The following CSMD2 variants were observed in gnomAD, a reference collection of about 807,000 sequenced individuals.
CSMD2 encodes CUB and sushi domain-containing protein 2.
Under a neutral mutation model 398.5 loss-of-function variants are expected in CSMD2, and 130 were observed. That is an observed-to-expected ratio of 0.33 (90% CI 0.28 to 0.38). The LOEUF is 0.38. CSMD2 is among the 10% of genes least tolerant of loss of function. CSMD2 has a pLI of 1.00. For synonymous variants in CSMD2, 1,828 were observed against 1,908.5 expected (o/e 0.96, Z 1.10); for missense variants, 3,829 against 4,764.9 (o/e 0.80, Z 5.78).
chr1:33,581,946 G>A (rs1638757659), intron 47 of CSMD2, among the ~76,000 whole-genome samples: 1 of 152,132 alleles, frequency 6.6e-6, no homozygotes, highest in African/African-American at 2.4e-5. Flanking sequence ...GGAAAGGCTG[G>A]GAGAAGTGGC....
intron 13 of CSMD2, among the ~76,000 whole-genome samples, chr1:33,771,326 G>A (rs1388788083): frequency 6.6e-6 from 1 of 152,192 alleles, no homozygotes; most frequent in Non-Finnish European, 1.5e-5. Flanking sequence ...TGCTCCTCCA[G>A]GTCCTTGTGG....
chr1:33,799,505 G>A (rs921323402), intron 10 of CSMD2, among the ~76,000 whole-genome samples: 4 of 152,186 alleles, frequency 2.6e-5, no homozygotes, highest in Non-Finnish European at 5.9e-5. Context: ...GTTACTTAAT[G>A]TCCCTTCCTC....
At chr1:34,111,648 G>C (rs1261270783) in intron 1 of CSMD2, among the ~76,000 whole-genome samples, 1 of 152,128 alleles carries the variant, frequency 6.6e-6, no homozygotes, top group Admixed American at 6.5e-5. Flanking sequence ...TGGGGATCAG[G>C]GTAAGTAGCT....
intron 2 of CSMD2, among the ~76,000 whole-genome samples, chr1:34,065,376 G>T (rs1356507574): frequency 6.6e-6 from 1 of 152,180 alleles, no homozygotes; most frequent in South Asian, 2.1e-4. Context: ...GCATGGGCTG[G>T]GGTCCAAATC....
At chr1:33,775,162 T>A (rs933134746) in intron 12 of CSMD2, among the ~76,000 whole-genome samples, 3 of 152,172 alleles carry the variant, frequency 2.0e-5, no homozygotes, top group African/African-American at 7.2e-5. Context: ...TAGTGCGATA[T>A]TTTTTTCTAG....
chr1:33,523,062 G>T lies in CSMD2; in HGVS notation c.10509+245C>A, dbSNP rs58250216. ...TCCCTTGCTTTCTGTTCAAACAACA[G>T]AACTTACTCCAACTCTCTTGAATGT... On this transcript the variant is annotated intron_variant, in intron 67 of 70. Coordinates refer to ENST00000373381, the MANE Select transcript of CSMD2 (RefSeq NM_001281956.2). Among the ~76,000 whole-genome samples, 396 of 152,324 alleles carry T rather than the reference G, an allele frequency of 2.6e-3. 1 individual carries two copies. Among genetic ancestry groups the T allele is most frequent in the African/African-American group, 8.8e-3 (368 of 41,582 alleles).
chr1:34,101,087 T>G (rs1659892112), intron 1 of CSMD2, among the ~76,000 whole-genome samples: 9 of 152,252 alleles, frequency 5.9e-5, no homozygotes, highest in Admixed American at 5.9e-4. Flanking sequence ...CATGCCAGAA[T>G]GGCTTTGTCC....
intron 2 of CSMD2, among the ~76,000 whole-genome samples, chr1:34,077,999 T>A (rs983698703): frequency 5.9e-5 from 9 of 152,160 alleles, no homozygotes; most frequent in African/African-American, 1.2e-4. Context: ...CATGAAATTT[T>A]TTTTTATTTT....
At chr1:34,092,942 A>T (rs1305150155) in intron 1 of CSMD2, among the ~76,000 whole-genome samples, 22 of 152,060 alleles carry the variant, frequency 1.4e-4, no homozygotes, top group African/African-American at 5.1e-4. Flanking sequence ...TGTAGGCTCC[A>T]CCTCTGGGGG....
At chr1:33,857,241 G>A (rs899660112) in intron 5 of CSMD2, among the ~76,000 whole-genome samples, 1 of 152,120 alleles carries the variant, frequency 6.6e-6, no homozygotes, top group African/African-American at 2.4e-5. Context: ...TATAAAAGGT[G>A]CCTGGCACAT....
intron 14 of CSMD2, among the ~76,000 whole-genome samples, chr1:33,740,291 AGGCTCTATTTTCACCCCGAAGCC>A (rs1647016042): frequency 1.4e-5 from 1 of 71,652 alleles, no homozygotes; most frequent in South Asian, 4.3e-4. Flanking sequence ...CTCCGAAGCC[AGGCTCTATTTTCACCCCGAAGCC>A]AGGCTCTATT....
chr1:33,529,194 G>A (rs1655037381), intron 64 of CSMD2, among the ~76,000 whole-genome samples: 1 of 152,194 alleles, frequency 6.6e-6, no homozygotes, highest in Admixed American at 6.5e-5. Flanking sequence ...AGGCTGGAGT[G>A]CAGTGGTGTA....
At chr1:33,655,731 C>T (rs375208945) in intron 27 of CSMD2, among the ~76,000 whole-genome samples, 29 of 152,348 alleles carry the variant, frequency 1.9e-4, no homozygotes, top group African/African-American at 3.8e-4. Flanking sequence ...CATGGCAGAA[C>T]GCCCAGGGAG....
chr1:33,939,272 C>T (rs1476614357), intron 3 of CSMD2, among the ~76,000 whole-genome samples: 1 of 152,074 alleles, frequency 6.6e-6, no homozygotes, highest in Middle Eastern at 3.2e-3. Flanking sequence ...TCAGTCCCTG[C>T]TGCTGGTTCA....
At chr1:33,711,828 C>T (rs754180467) in intron 21 of CSMD2, among the ~76,000 whole-genome samples, 39 of 152,154 alleles carry the variant, frequency 2.6e-4, no homozygotes, top group African/African-American at 9.2e-4. Flanking sequence ...GATACCTTTA[C>T]GAGGAGGGGC....
At chr1:33,573,518 A>C (rs577200495) in intron 49 of CSMD2, among the ~76,000 whole-genome samples, 2 of 150,852 alleles carry the variant, frequency 1.3e-5, no homozygotes, top group South Asian at 4.2e-4. Context: ...GGAAAAAAAA[A>C]CAAACAAAAA....
chr1:33,751,982 A>G (rs1047748068), intron 13 of CSMD2, among the ~76,000 whole-genome samples: 25 of 152,290 alleles, frequency 1.6e-4, no homozygotes, highest in African/African-American at 6.0e-4. Flanking sequence ...GAAAATTTCA[A>G]TGTTGATGGA....
chr1:34,060,486 G>T (rs1446361473), intron 2 of CSMD2, among the ~76,000 whole-genome samples: 1 of 152,186 alleles, frequency 6.6e-6, no homozygotes, highest in African/African-American at 2.4e-5. Flanking sequence ...CCCTGGGGGA[G>T]GACAGGCAAC....
At position 34,096,376 on chromosome 1, in the gene CSMD2, C is replaced by T. The variant is rs1445342136; in HGVS notation, c.188-7183G>A. ...AAGACAGGGATGCCCTCTCTCACCACTCCTATTCAACATAGCGTTGGAAGC... is the reference window on the plus strand; with the variant it reads ...AAGACAGGGATGCCCTCTCTCACCATTCCTATTCAACATAGCGTTGGAAGC... On this transcript the variant is annotated intron_variant, in intron 1 of 70. Transcript: ENST00000373381. 2.2e-4 allele frequency among the ~76,000 whole-genome samples: 33 copies of T among 152,216 alleles called. No homozygotes were observed. The East Asian group carries it at 6.2e-3, about 29-fold the overall frequency.
Sources: allele counts gnomAD v4.1 joint callset (sites outside exome capture counted in the v4.1 genomes callset), GRCh38; gene constraint gnomAD v4.1.1; transcripts MANE v1.5; gene names NCBI Gene and HGNC (gene_info 2026-07-23, HGNC 2026-07-21).